PTPN5: variants seen among roughly 807,000 people sequenced by gnomAD.
PTPN5 encodes protein tyrosine phosphatase non-receptor type 5.
In PTPN5, 29 loss-of-function variants were observed where a neutral mutation model predicts 73.9. That is an observed-to-expected ratio of 0.39 (90% confidence interval 0.29 to 0.54). The LOEUF is 0.54. PTPN5 is among the 20% of genes least tolerant of loss of function. PTPN5 has a pLI of 0.65. For synonymous variants in PTPN5, 267 were observed against 304.7 expected, an observed-to-expected ratio of 0.88 and a Z score of 1.29; for missense variants, 652 against 751.4, an observed-to-expected ratio of 0.87 and a Z score of 1.55.
chr11:18,786,405 T>C (rs747426119), intron 1 of PTPN5, among the ~76,000 whole-genome samples: 1 of 152,072 alleles, frequency 6.6e-6, no homozygotes, highest in Non-Finnish European at 1.5e-5. Flanking sequence ...GATTTCACCA[T>C]GTTAGCCAGG....
rs906013600 is a variant in PTPN5, at chr11:18,745,498, C to T, written c.98-1299G>A. The stretch of plus-strand genomic sequence containing the variant: ...AGCCCGCCCCCTATGCTTTGACATG[C>T]TGTTCTCTCTGCCTGGAACATCCCT... On this transcript the variant is annotated intron_variant, in intron 3 of 14. Transcript: ENST00000358540. Among the ~76,000 whole-genome samples the T allele has an allele frequency of 3.9e-5, 6 of 152,170 alleles. No individual in the cohort carries two copies. The South Asian group carries it at 6.2e-4, about 16-fold the overall frequency.
chr11:18,756,921 CA>C (rs71483486), intron 3 of PTPN5, among the ~76,000 whole-genome samples: 3 of 83,256 alleles, frequency 3.6e-5, no homozygotes, highest in African/African-American at 6.6e-5. Flanking sequence ...AAGACTCCAT[CA>C]AAAAAAAAAA....
chr11:18,732,134 A>G (rs1350194586), intron 12 of PTPN5, among the ~76,000 whole-genome samples: 5 of 152,176 alleles, frequency 3.3e-5, no homozygotes, highest in African/African-American at 1.2e-4. Context: ...CCAAAGCAGC[A>G]AAGAGTGCCT....
At chr11:18,781,036 C>G (rs1851395211) in intron 1 of PTPN5, among the ~76,000 whole-genome samples, 2 of 152,234 alleles carry the variant, frequency 1.3e-5, no homozygotes. Context: ...AGGGCTCTCA[C>G]ACTCTGATTA....
chr11:18,731,139 C>T (rs1590474562), intron 12 of PTPN5, among the ~76,000 whole-genome samples: 1 of 148,326 alleles, frequency 6.7e-6, no homozygotes, highest in African/African-American at 2.5e-5. Flanking sequence ...TATATATACA[C>T]ACACACCTAT....
Position 18,733,219 on chromosome 11 carries a change from G to C in PTPN5, c.1218+16C>G, listed in dbSNP as rs1416077788. On this transcript the variant is annotated intron_variant, in intron 11 of 14. Coordinates refer to ENST00000358540, the MANE Select transcript of PTPN5 (RefSeq NM_006906.2). The surrounding 1 kb of genome is among the most constrained non-coding windows in gnomAD (Gnocchi z 4.3). ...GCAATGTAGCAGACACTTAGAATGG[G>C]GACGGGGGTCCCTACCTCGTTCATC... 2 of 1,607,188 alleles carry C rather than the reference G, an allele frequency of 1.2e-6. No homozygotes were observed. The highest frequency in any genetic ancestry group is 3.3e-5 in the Admixed American group (2 of 59,902).
intron 1 of PTPN5, among the ~76,000 whole-genome samples, chr11:18,783,220 G>A (rs1851522259): frequency 6.6e-6 from 1 of 152,204 alleles, no homozygotes; most frequent in Admixed American, 6.5e-5. Context: ...CTCACCCCCA[G>A]CCTCCCTGCC....
At chr11:18,755,608 G>A (rs903447618) in intron 3 of PTPN5, among the ~76,000 whole-genome samples, 3 of 152,112 alleles carry the variant, frequency 2.0e-5, no homozygotes, top group Non-Finnish European at 2.9e-5. Flanking sequence ...GGTGGCACTG[G>A]GCTGGGTAGA....
At position 18,742,222 on chromosome 11, in the gene PTPN5, C is replaced by CT; in HGVS notation, c.725+39_725+40insA. On this transcript the variant is annotated intron_variant, in intron 7 of 14. Transcript: ENST00000358540. The surrounding 1 kb of genome is among the most constrained non-coding windows in gnomAD (Gnocchi z 4.1). ...CTCTTCTGATCAGGAGCTAAGAGCT[C>CT]AAGGGCCCGTGGAGCCCACCCCTCC... is the stretch of plus-strand genomic sequence containing the variant. The CT allele has an allele frequency of 6.2e-7, 1 of 1,611,058 alleles. No homozygotes were observed. The highest frequency in any genetic ancestry group is 8.5e-7 in the Non-Finnish European group (1 of 1,178,110).
intron 3 of PTPN5, among the ~76,000 whole-genome samples, chr11:18,747,847 G>C (rs543587276): frequency 6.6e-6 from 1 of 152,188 alleles, no homozygotes; most frequent in Non-Finnish European, 1.5e-5. Context: ...AGGTTAACAT[G>C]AGATAGAGAT....
intron 2 of PTPN5, among the ~76,000 whole-genome samples, chr11:18,771,038 G>A (rs1850869821): frequency 6.6e-6 from 1 of 152,152 alleles, no homozygotes; most frequent in Admixed American, 6.5e-5. Context: ...TGGCTGGTTT[G>A]CTGAGCCAAT....
chr11:18,784,428 G>C (rs1218102248), intron 1 of PTPN5, among the ~76,000 whole-genome samples: 1 of 152,102 alleles, frequency 6.6e-6, no homozygotes, highest in Non-Finnish European at 1.5e-5. Flanking sequence ...ACTTACACGA[G>C]GCACCTAGAA....
chr11:18,763,148 T>C (rs1850475507), intron 3 of PTPN5, among the ~76,000 whole-genome samples: 1 of 152,040 alleles, frequency 6.6e-6, no homozygotes, highest in South Asian at 2.1e-4. Context: ...GTCTAGAGGG[T>C]CACACAACTT....
intron 3 of PTPN5, among the ~76,000 whole-genome samples, chr11:18,747,803 A>G (rs1849707332): frequency 6.6e-6 from 1 of 152,268 alleles, no homozygotes; most frequent in Non-Finnish European, 1.5e-5. Flanking sequence ...AAATATGTCT[A>G]TAAAAAGATA....
intron 3 of PTPN5, among the ~76,000 whole-genome samples, chr11:18,747,488 C>T (rs553871365): frequency 1.1e-4 from 16 of 152,280 alleles, no homozygotes; most frequent in South Asian, 2.1e-4. Context: ...TTCTACACTA[C>T]GATATATTTG....
At chr11:18,748,248 C>T (rs1294625670) in intron 3 of PTPN5, among the ~76,000 whole-genome samples, 2 of 152,308 alleles carry the variant, frequency 1.3e-5, no homozygotes, top group Middle Eastern at 3.4e-3. Context: ...AGCAGCAGAA[C>T]AGCCACTCCA....
intron 1 of PTPN5, among the ~76,000 whole-genome samples, chr11:18,773,003 G>A (rs1465709106): frequency 1.3e-5 from 2 of 151,772 alleles, no homozygotes; most frequent in Admixed American, 6.6e-5. Context: ...CGTGGGATGA[G>A]ACAGGAGGGG....
chr11:18,734,810 C>G (rs1448184012), intron 9 of PTPN5, among the ~76,000 whole-genome samples: 1 of 152,194 alleles, frequency 6.6e-6, no homozygotes, highest in African/African-American at 2.4e-5. Context: ...GCTCACTTGT[C>G]CAGGCCTCAG....
In PTPN5 at chr11:18,732,527, G is replaced by A. The variant is rs1331741017; in HGVS notation, c.1329+65C>T. The stretch of plus-strand genomic sequence containing the variant: ...AGTGGACTTGGGGGACCTGTTCTCT[G>A]TGGAGCCCCCAGTTAAGCCCCTACA... On this transcript the variant is annotated intron_variant, in intron 12 of 14. Coordinates refer to ENST00000358540, the MANE Select transcript of PTPN5 (RefSeq NM_006906.2). 4.1e-6 allele frequency: 5 copies of A among 1,223,550 alleles called. No homozygotes were observed. In the Admixed American group the frequency reaches 5.2e-5, roughly 13 times the overall value. The allele number at this position is 1,223,550 out of a possible 1,614,324, so 75.8% of individuals were successfully genotyped here. A position where few individuals can be genotyped will look rare whatever the true frequency, so the allele number is the denominator to read the frequency against.
Sources: allele counts gnomAD v4.1 joint callset (sites outside exome capture counted in the v4.1 genomes callset), GRCh38; gene constraint gnomAD v4.1.1; non-coding constraint Gnocchi (gnomAD v3.1); transcripts MANE v1.5; gene names NCBI Gene and HGNC (gene_info 2026-07-23, HGNC 2026-07-21).